The following KDM4C variants were observed in gnomAD, a reference collection of about 807,000 sequenced individuals.
KDM4C encodes lysine demethylase 4C, also known as lysine-specific demethylase 4C.
KDM4C carries 81 observed loss-of-function variants against 129.3 expected under a neutral mutation model. That is an observed-to-expected ratio of 0.63 (90% CI 0.52 to 0.75). The LOEUF (loss-of-function observed/expected upper bound fraction) is 0.75, where lower values mean the gene tolerates loss of function less well. Ranked by LOEUF, KDM4C falls within the 30% of genes least tolerant of loss-of-function variation. The pLI is 0.00. For missense variants in KDM4C, 1,457 were observed against 1,304.0 expected, an observed-to-expected ratio of 1.12 and a Z score of -1.81; for synonymous variants, 573 against 456.1, an observed-to-expected ratio of 1.26 and a Z score of -3.26.
chr9:6,767,833 C>G (rs981003530), intron 1 of KDM4C, among the ~76,000 whole-genome samples: 1 of 152,012 alleles, frequency 6.6e-6, no homozygotes, highest in African/African-American at 2.4e-5. Flanking sequence ...ACCTCTCAGT[C>G]TATAATATTC....
intron 11 of KDM4C, among the ~76,000 whole-genome samples, chr9:6,989,345 T>C (rs2792245): frequency 0.82 from 124,879 of 152,038 alleles, 52,104 homozygotes; most frequent in Non-Finnish European, 0.88. Context: ...TGATGTAAGC[T>C]TGCTGGGTTC....
At chr9:6,777,067 T>A (rs1823232643) in intron 1 of KDM4C, among the ~76,000 whole-genome samples, 1 of 152,208 alleles carries the variant, frequency 6.6e-6, no homozygotes, top group Non-Finnish European at 1.5e-5. Flanking sequence ...TGTATTTTCA[T>A]CCCCTACCCC....
intron 4 of KDM4C, among the ~76,000 whole-genome samples, chr9:6,825,456 T>G: frequency 6.6e-6 from 1 of 152,220 alleles, no homozygotes; most frequent in East Asian, 1.9e-4. Flanking sequence ...AAGGTAACTG[T>G]GTTCTATCTT....
At chr9:6,930,697 C>G (rs111890312) in intron 8 of KDM4C, among the ~76,000 whole-genome samples, 1 of 147,430 alleles carries the variant, frequency 6.8e-6, no homozygotes, top group East Asian at 2.0e-4. Flanking sequence ...TAATTATTAA[C>G]ATATCATATG....
intron 4 of KDM4C, chr9:6,834,720 C>G: frequency 2.2e-6 from 2 of 913,936 alleles, no homozygotes; most frequent in Non-Finnish European, 3.7e-6. Flanking sequence ...TGGCACCACA[C>G]CTTCTAAAGG....
At chr9:7,020,607 G>A (rs527447947) in intron 15 of KDM4C, among the ~76,000 whole-genome samples, 13 of 152,148 alleles carry the variant, frequency 8.5e-5, no homozygotes, top group African/African-American at 3.1e-4. Context: ...CTTGATATTA[G>A]TATCTGTGTC....
At chr9:6,827,288 T>A in intron 4 of KDM4C, among the ~76,000 whole-genome samples, 1 of 152,254 alleles carries the variant, frequency 6.6e-6, no homozygotes, top group South Asian at 2.1e-4. Context: ...CTCTCTCTCG[T>A]TCCTTCCAGC....
chr9:7,149,154 C>A (rs1842493155), intron 19 of KDM4C, among the ~76,000 whole-genome samples: 1 of 152,254 alleles, frequency 6.6e-6, no homozygotes, highest in African/African-American at 2.4e-5. Flanking sequence ...CCGTGCTCCT[C>A]AGCACCCAAA....
chr9:6,984,236 G>T lies in KDM4C; in HGVS notation c.1186G>T (p.Asp396Tyr). The T allele has an allele frequency of 6.2e-7, 1 of 1,613,662 alleles. No homozygotes were observed. Among genetic ancestry groups the T allele is most frequent in the Non-Finnish European group, 8.5e-7 (1 of 1,179,792 alleles). Residue 396 changes from aspartate to tyrosine, a missense_variant, in exon 10 of 22, where the codon GAT becomes TAT. Physicochemically the swap from Asp to Tyr is radical, Grantham distance 160 (BLOSUM62 -3). Coordinates refer to ENST00000381309, the MANE Select transcript of KDM4C (RefSeq NM_015061.6). ...GGAAGAGGAAGTGTCAGATGAAGTCGATGGGGCAGAGGTCCCTAACCCCGA... is the reference window on the plus strand; with the variant it reads ...GGAAGAGGAAGTGTCAGATGAAGTCTATGGGGCAGAGGTCCCTAACCCCGA... Reference protein sequence around the residue: ...DEEEEVSDEVDGAEVPNPDSV... With the variant: ...DEEEEVSDEVYGAEVPNPDSV...
At chr9:6,910,436 G>A (rs1018654931) in intron 8 of KDM4C, among the ~76,000 whole-genome samples, 4 of 152,076 alleles carry the variant, frequency 2.6e-5, no homozygotes, top group African/African-American at 9.7e-5. Context: ...ACAATTGTGG[G>A]TCCCTCCACA....
intron 5 of KDM4C, among the ~76,000 whole-genome samples, chr9:6,866,889 C>T (rs1049368002): frequency 7.7e-6 from 1 of 130,010 alleles, no homozygotes; most frequent in African/African-American, 3.1e-5. Context: ...TGACTTGGTG[C>T]TGTATATATA....
intron 8 of KDM4C, among the ~76,000 whole-genome samples, chr9:6,916,409 C>G (rs1820323267): frequency 6.6e-6 from 1 of 151,466 alleles, no homozygotes; most frequent in African/African-American, 2.4e-5. Flanking sequence ...AAATGATCCT[C>G]CTGCCACAGC....
chr9:7,061,423 G>T (rs1831649767), intron 17 of KDM4C, among the ~76,000 whole-genome samples: 1 of 152,158 alleles, frequency 6.6e-6, no homozygotes, highest in South Asian at 2.1e-4. Flanking sequence ...GGCTGTCCTT[G>T]GATGTCTGAT....
chr9:7,099,987 C>G (rs73409558), intron 17 of KDM4C, among the ~76,000 whole-genome samples: 1,627 of 151,896 alleles, frequency 0.011, 26 homozygotes, highest in African/African-American at 0.034. Flanking sequence ...GGGGTTGATT[C>G]AAGGTTTTTT....
intron 18 of KDM4C, 80 bp downstream of exon 18, chr9:7,103,950 G>A (rs762372823): frequency 3.4e-5 from 44 of 1,290,252 alleles, no homozygotes; most frequent in Non-Finnish European, 4.5e-5. Flanking sequence ...CAGACATAAT[G>A]TGCTTTATTC....
At chr9:6,921,623 C>G (rs1177211074) in intron 8 of KDM4C, among the ~76,000 whole-genome samples, 1 of 152,200 alleles carries the variant, frequency 6.6e-6, no homozygotes, top group African/African-American at 2.4e-5. Context: ...CTATTTCTCT[C>G]TATTCTTTAT....
chr9:6,886,196 C>T (rs1289179874), intron 6 of KDM4C, among the ~76,000 whole-genome samples: 1 of 152,224 alleles, frequency 6.6e-6, no homozygotes, highest in African/African-American at 2.4e-5. Context: ...TTTCCCTCCA[C>T]TCACCAGTGT....
chr9:7,003,600 C>T (rs1486651650), intron 12 of KDM4C, among the ~76,000 whole-genome samples: 1 of 152,146 alleles, frequency 6.6e-6, no homozygotes, highest in African/African-American at 2.4e-5. Context: ...CATTTAATTT[C>T]TTAAGTGCTT....
At chr9:6,921,026 T>C (rs972043347) in intron 8 of KDM4C, among the ~76,000 whole-genome samples, 5 of 152,136 alleles carry the variant, frequency 3.3e-5, no homozygotes, top group Admixed American at 3.3e-4. Flanking sequence ...TAAATCGGCT[T>C]TTCTCCTTGC....
Sources: gnomAD v4.1 joint callset for allele counts (sites outside exome capture counted in the v4.1 genomes callset) on GRCh38, gnomAD v4.1.1 for gene constraint, MANE v1.5 for transcripts, NCBI Gene and HGNC (gene_info 2026-07-23, HGNC 2026-07-21) for gene names.